ATP11C: variants seen among roughly 807,000 people sequenced by gnomAD.
ATP11C encodes ATPase phospholipid transporting 11C (ATP11C blood group).
ATP11C carries 36 observed loss-of-function variants against 97.4 expected under a neutral mutation model. That is an observed-to-expected ratio of 0.37 (90% CI 0.28 to 0.49). The LOEUF is 0.49. ATP11C is among the 20% of genes least tolerant of loss of function. The pLI is 0.98. For synonymous variants in ATP11C, 275 were observed against 290.9 expected (o/e 0.95, Z 0.56); for missense variants, 730 against 824.6 (o/e 0.89, Z 1.40).
chrX:139,792,877 TAAGTG>T (rs1304308764), intron 12 of ATP11C, among the ~76,000 whole-genome samples: 1 of 111,952 alleles, frequency 8.9e-6, no homozygotes, highest in Non-Finnish European at 1.9e-5. Context: ...GAACGTAAGT[TAAGTG>T]TTTTCCTGAC....
Position 139,875,788 on chromosome X carries a change from C to T in ATP11C, c.28-48965G>A, listed in dbSNP as rs778180523. Among the ~76,000 whole-genome samples the T allele has an allele frequency of 9.0e-5, 10 of 111,411 alleles. No homozygotes were observed. The East Asian group carries it at 2.8e-3, about 31-fold the overall frequency. On this transcript the variant is annotated intron_variant, in intron 1 of 29. Coordinates refer to ENST00000682941, the MANE Select transcript of ATP11C (RefSeq NM_001353812.2). Reference sequence around the variant, plus strand: ...TTATCTCATAAAATTGTTAGAGGAACCTGCTTGTTTTCAGTATTTTATAAA... The same window carrying T: ...TTATCTCATAAAATTGTTAGAGGAATCTGCTTGTTTTCAGTATTTTATAAA...
intron 2 of ATP11C, among the ~76,000 whole-genome samples, chrX:139,821,396 C>CA (rs989201195): frequency 1.8e-5 from 2 of 112,119 alleles, no homozygotes; most frequent in African/African-American, 6.5e-5. Context: ...TTCAGACCAG[C>CA]ATTTTTAACT....
At chrX:139,815,922 T>C (rs2083280549) in intron 4 of ATP11C, among the ~76,000 whole-genome samples, 1 of 111,385 alleles carries the variant, frequency 9.0e-6, no homozygotes, top group African/African-American at 3.3e-5. Context: ...GAACCAGTAT[T>C]GGGAGCAGAA....
Position 139,772,358 on chromosome X carries a change from G to GA in ATP11C, c.2216+2331dup, listed in dbSNP as rs2082270853. On this transcript the variant is annotated intron_variant, in intron 19 of 29. Transcript: ENST00000682941. ...GGCCCTCATGGAGAACCTCTGCTTG[G>GA]ACAGTGCAGAAGGGAAATGTGGTGT... Among the ~76,000 whole-genome samples the GA allele has an allele frequency of 3.6e-5, 4 of 112,250 alleles. No homozygotes were observed. The South Asian group carries it at 1.5e-3, about 42-fold the overall frequency.
chrX:139,779,526 T>C (rs2082410961), intron 18 of ATP11C, among the ~76,000 whole-genome samples: 1 of 111,816 alleles, frequency 8.9e-6, no homozygotes. Flanking sequence ...CAAAAAACAA[T>C]TTTGAAACCA....
In ATP11C at chrX:139,728,016, C is replaced by T. The variant is rs1330561166; in HGVS notation, c.*950G>A. The T allele has an allele frequency of 8.9e-6, 1 of 111,993 alleles. No homozygotes were observed. Among genetic ancestry groups the T allele is most frequent in the Non-Finnish European group, 1.9e-5 (1 of 53,038 alleles). The allele number at this position is 111,993 out of a possible 1,213,427, so 9.2% of individuals were successfully genotyped here. ...AATGCAATCTCTTTCAAATAAAAAC[C>T]GTCAAAAGTTTAAAATAAGCTATAT... On this transcript the variant is annotated 3_prime_UTR_variant, in exon 30 of 30. Coordinates refer to ENST00000682941, the MANE Select transcript of ATP11C (RefSeq NM_001353812.2).
chrX:139,826,571 G>A (rs1050824696), intron 2 of ATP11C, 133 bp downstream of exon 2: 16 of 425,458 alleles, frequency 3.8e-5, no homozygotes, highest in Non-Finnish European at 6.0e-5. Context: ...ACTTATTATA[G>A]CTGGTATATG....
At chrX:139,793,351 T>C (rs2082731898) in intron 12 of ATP11C, among the ~76,000 whole-genome samples, 2 of 111,950 alleles carry the variant, frequency 1.8e-5, no homozygotes, top group Admixed American at 1.9e-4. Context: ...CATATACATA[T>C]GTATTTCCAT....
At chrX:139,827,976 C>T (rs1260508992) in intron 1 of ATP11C, among the ~76,000 whole-genome samples, 1 of 111,707 alleles carries the variant, frequency 9.0e-6, no homozygotes, top group African/African-American at 3.3e-5. Flanking sequence ...ACAGATAAAA[C>T]CTCTTTGCCT....
intron 1 of ATP11C, among the ~76,000 whole-genome samples, chrX:139,893,872 G>C (rs2084767434): frequency 9.1e-6 from 1 of 109,818 alleles, no homozygotes; most frequent in South Asian, 3.8e-4. Context: ...GTTAAATCCA[G>C]TAAAATGTAT....
intron 23 of ATP11C, among the ~76,000 whole-genome samples, chrX:139,752,006 C>T (rs985481896): frequency 3.6e-5 from 4 of 111,402 alleles, no homozygotes; most frequent in Non-Finnish European, 5.7e-5. Flanking sequence ...TAGCACAAAA[C>T]CAAAATCAAA....
intron 1 of ATP11C, among the ~76,000 whole-genome samples, chrX:139,931,054 A>G (rs1429012432): frequency 8.9e-6 from 1 of 112,021 alleles, no homozygotes; most frequent in African/African-American, 3.2e-5. Context: ...CATCATTGGC[A>G]GAAATAAAAT....
intron 12 of ATP11C, 119 bp from the exon 13 acceptor site, chrX:139,789,607 C>A: frequency 4.0e-6 from 2 of 493,902 alleles, no homozygotes; most frequent in East Asian, 3.9e-5. Flanking sequence ...GACTTCTTGT[C>A]AAATGTCAGG....
chrX:139,881,475 C>A (rs192480020), intron 1 of ATP11C, among the ~76,000 whole-genome samples: 1 of 110,611 alleles, frequency 9.0e-6, no homozygotes, highest in Non-Finnish European at 1.9e-5. Context: ...GGTAGGCGGC[C>A]GGTAGCAATT....
At chrX:139,930,918 G>T (rs772509542) in intron 1 of ATP11C, among the ~76,000 whole-genome samples, 16 of 112,502 alleles carry the variant, frequency 1.4e-4, no homozygotes, top group Non-Finnish European at 2.8e-4. Flanking sequence ...ATAATTGCAT[G>T]AATAAAACCA....
chrX:139,797,959 G>T (rs2082837306), intron 10 of ATP11C, among the ~76,000 whole-genome samples: 1 of 111,854 alleles, frequency 8.9e-6, no homozygotes, highest in Admixed American at 9.5e-5. Context: ...AAAAAGGAAT[G>T]AATTTACAGT....
intron 1 of ATP11C, among the ~76,000 whole-genome samples, chrX:139,862,855 T>C (rs1285077894): frequency 2.7e-5 from 3 of 111,976 alleles, no homozygotes; most frequent in Non-Finnish European, 5.6e-5. Flanking sequence ...AGTATCACAC[T>C]GAAAACATAC....
At chrX:139,852,561 G>A (rs982309808) in intron 1 of ATP11C, among the ~76,000 whole-genome samples, 11 of 100,348 alleles carry the variant, frequency 1.1e-4, no homozygotes, top group Admixed American at 7.8e-4. Context: ...AGGATAAGCC[G>A]CGGGAGCCGT....
chrX:139,799,948 G>A (rs1315059296), intron 8 of ATP11C, 112 bp downstream of exon 8: 4 of 671,602 alleles, frequency 6.0e-6, no homozygotes, highest in Non-Finnish European at 9.3e-6. Flanking sequence ...TACCGCACCC[G>A]GCCTATATTC....
Sources: allele counts gnomAD v4.1 joint callset (sites outside exome capture counted in the v4.1 genomes callset), GRCh38; gene constraint gnomAD v4.1.1; transcripts MANE v1.5; gene names NCBI Gene and HGNC (gene_info 2026-07-23, HGNC 2026-07-21).